USP26: variants seen among roughly 807,000 people sequenced by gnomAD.
USP26 encodes ubiquitin carboxyl-terminal hydrolase 26.
For synonymous variants in USP26, 236 were observed against 240.6 expected, an observed-to-expected ratio of 0.98 and a Z score of 0.18; for missense variants, 649 against 642.3, an observed-to-expected ratio of 1.01 and a Z score of -0.11.
chrX:133,039,234 T>C (rs1015702749), intron 5 of USP26, among the ~76,000 whole-genome samples: 1 of 111,439 alleles, frequency 9.0e-6, no homozygotes, highest in Non-Finnish European at 1.9e-5. Context: ...CTTCCTTCTC[T>C]AGTTCTTTTA....
intron 5 of USP26, among the ~76,000 whole-genome samples, chrX:133,058,310 G>A (rs754166045): frequency 5.6e-4 from 62 of 110,970 alleles, no homozygotes; most frequent in African/African-American, 2.0e-3. Context: ...TTGATTTATG[G>A]TGCTGTTCAA....
At chrX:133,044,305 G>A (rs2067430013) in intron 5 of USP26, among the ~76,000 whole-genome samples, 1 of 113,484 alleles carries the variant, frequency 8.8e-6, no homozygotes, top group African/African-American at 3.2e-5. Context: ...GCCCACCGCT[G>A]CACTGTGGGA....
chrX:133,093,117 A>G (rs1413474088), intron 1 of USP26, among the ~76,000 whole-genome samples: 1 of 109,562 alleles, frequency 9.1e-6, no homozygotes, highest in East Asian at 2.9e-4. Context: ...AAACAAAACA[A>G]AACAACAACA....
chrX:133,037,443 A>G (rs1226638524), intron 5 of USP26, among the ~76,000 whole-genome samples: 1 of 111,909 alleles, frequency 8.9e-6, no homozygotes, highest in Non-Finnish European at 1.9e-5. Context: ...TCCTTTCCCC[A>G]TTGTTTGTTT....
chrX:133,031,302 C>G (rs996759043), intron 5 of USP26, among the ~76,000 whole-genome samples: 13 of 111,758 alleles, frequency 1.2e-4, no homozygotes, highest in African/African-American at 4.2e-4. Context: ...TAATCCCAAG[C>G]AAGAGTTTTG....
chrX:133,095,638 T>C (rs1470656136), intron 1 of USP26, among the ~76,000 whole-genome samples: 4 of 112,098 alleles, frequency 3.6e-5, no homozygotes, highest in Non-Finnish European at 7.5e-5. Flanking sequence ...TCTCGCTCTG[T>C]CGCCTAGGCT....
At chrX:133,081,138 G>A (rs970335236) in intron 5 of USP26, among the ~76,000 whole-genome samples, 6 of 110,252 alleles carry the variant, frequency 5.4e-5, no homozygotes, top group Non-Finnish European at 7.6e-5. Flanking sequence ...CTATCATTTT[G>A]CAGGCTGAGA....
At chrX:133,084,774 C>T (rs972051617) in intron 4 of USP26, among the ~76,000 whole-genome samples, 4 of 110,828 alleles carry the variant, frequency 3.6e-5, no homozygotes, top group Admixed American at 9.6e-5. Context: ...TATTGGGGAA[C>T]GGGTGGTGTT....
Position 133,027,094 on chromosome X carries a change from T to A in USP26, c.1127A>T (p.His376Leu). The change falls in exon 6 of 6, where the codon CAT becomes CTT. Residue 376 changes from histidine (H) to leucine (L), a missense_variant. By Grantham distance (99) the His-to-Leu change is moderately conservative. Coordinates refer to ENST00000511190, the MANE Select transcript of USP26 (RefSeq NM_031907.3). ...ATGAGCATCGTTCTGTGCATTGCCA[T>A]GGAATATCTCTGCAGCTGCTGAAAT... ...KAISAAAEIFHGNAQNDAHEF... is the reference protein window; with the variant it reads ...KAISAAAEIFLGNAQNDAHEF... 3 of 1,210,799 alleles carry A rather than the reference T, an allele frequency of 2.5e-6. No individual in the cohort carries two copies. In the East Asian group the frequency reaches 8.9e-5, roughly 36 times the overall value.
chrX:133,058,390 G>C (rs1188173852), intron 5 of USP26, among the ~76,000 whole-genome samples: 1 of 111,582 alleles, frequency 9.0e-6, no homozygotes. Flanking sequence ...AAACCTCCAA[G>C]TATAAATAGT....
At chrX:133,096,046 A>ATTT (rs2067629014) in intron 1 of USP26, among the ~76,000 whole-genome samples, 1 of 49,153 alleles carries the variant, frequency 2.0e-5, no homozygotes, top group African/African-American at 8.3e-5. Flanking sequence ...CGCCCGGCCT[A>ATTT]ATTTTTTTTT....
rs1418749854 is a variant in USP26, at chrX:133,026,036, G to A, written c.2185C>T (p.Pro729Ser). 3 of 1,207,722 alleles carry A rather than the reference G, an allele frequency of 2.5e-6. No homozygotes were observed. Among genetic ancestry groups the A allele is most frequent in the Non-Finnish European group, 3.4e-6 (3 of 893,819 alleles). The part of the protein sequence containing the change: ...DLYEDKNIRI[P>S]ERFQKVSEQT... ...TCAGACACTTTTTGGAATCTTTCTG[G>A]AATTCTGATATTTTTATCTTCATAC... The change falls in exon 6 of 6, where the codon CCA becomes TCA. Residue 729 changes from proline to serine, a missense_variant. Physicochemically the swap from Pro to Ser is moderately conservative, Grantham distance 74. Coordinates refer to ENST00000511190, the MANE Select transcript of USP26 (RefSeq NM_031907.3).
At chrX:133,084,332 G>A (rs1020813052) in intron 4 of USP26, among the ~76,000 whole-genome samples, 1 of 109,620 alleles carries the variant, frequency 9.1e-6, no homozygotes, top group Non-Finnish European at 1.9e-5. Context: ...CCAAGCTGCT[G>A]GGACTACAGG....
intron 5 of USP26, among the ~76,000 whole-genome samples, chrX:133,054,524 A>G (rs1176308827): frequency 9.0e-6 from 1 of 111,697 alleles, no homozygotes; most frequent in African/African-American, 3.3e-5. Flanking sequence ...AAAGCAGAGG[A>G]CTTCTTAACA....
intron 5 of USP26, among the ~76,000 whole-genome samples, chrX:133,065,249 C>CA (rs1246016674): frequency 3.6e-5 from 4 of 110,738 alleles, no homozygotes; most frequent in African/African-American, 1.3e-4. Flanking sequence ...GCCTACCAAC[C>CA]AAAAAAAGCC....
chrX:133,044,582 C>T (rs1012996913), intron 5 of USP26, among the ~76,000 whole-genome samples: 8 of 113,188 alleles, frequency 7.1e-5, no homozygotes, highest in African/African-American at 1.9e-4. Flanking sequence ...GCGGTGCGCT[C>T]GATTTTTCAC....
rs1436075349 is a variant in USP26 at position 133,028,241 on chromosome X, A to G, written c.-21T>C. 1 of 1,208,889 alleles carries G rather than the reference A, an allele frequency of 8.3e-7. No homozygotes were observed. Among genetic ancestry groups the G allele is most frequent in the South Asian group, 1.8e-5 (1 of 56,817 alleles). ...GCCATGTTTTCTTTACAAATAAAAT[A>G]TACGTATCTCCGATTATTGATAATC... On this transcript the variant is annotated 5_prime_UTR_variant, in exon 6 of 6. Coordinates refer to ENST00000511190, the MANE Select transcript of USP26 (RefSeq NM_031907.3).
intron 1 of USP26, among the ~76,000 whole-genome samples, chrX:133,095,880 G>A (rs1261510971): frequency 9.1e-6 from 1 of 109,942 alleles, no homozygotes; most frequent in African/African-American, 3.3e-5. Context: ...CAGTAGATGG[G>A]ATTACAGGCA....
chrX:133,061,391 G>A (rs1053398974), intron 5 of USP26, among the ~76,000 whole-genome samples: 1 of 112,451 alleles, frequency 8.9e-6, no homozygotes, highest in African/African-American at 3.2e-5. Context: ...TTTAAGTATG[G>A]AAGACATGCT....
Sources: gnomAD v4.1 joint callset for allele counts (sites outside exome capture counted in the v4.1 genomes callset) on GRCh38, gnomAD v4.1.1 for gene constraint, MANE v1.5 for transcripts, NCBI Gene and HGNC (gene_info 2026-07-23, HGNC 2026-07-21) for gene names.